Variants in ERICH3 observed in about 807,000 individuals in gnomAD.
The protein encoded by ERICH3 is glutamate-rich protein 3.
In ERICH3, 126 loss-of-function variants were observed where a neutral mutation model predicts 131.1. The observed-to-expected ratio is 0.96, with a 90% CI of 0.83 to 1.11. ERICH3 has a LOEUF of 1.11. ERICH3 is among the 50% of genes most tolerant of loss of function. ERICH3 has a pLI of 0.00. For synonymous variants in ERICH3, 695 were observed against 644.6 expected (o/e 1.08, Z -1.18); for missense variants, 2,050 against 1,810.7 (o/e 1.13, Z -2.40).
In ERICH3 at chr1:74,576,905, C is replaced by CAGG; in HGVS notation, c.2205_2207dup (p.Leu736dup). Reference sequence around the variant, plus strand: ...AGATGGAATACTTACCACCAAGAGCCAGGACATAGGCTAATGGCAATGAAT... The same window carrying CAGG: ...AGATGGAATACTTACCACCAAGAGCCAGGAGGACATAGGCTAATGGCAATGAAT... On this transcript the variant is annotated inframe_insertion, in exon 13 of 15. Coordinates refer to ENST00000326665, the MANE Select transcript of ERICH3 (RefSeq NM_001002912.5). The CAGG allele has an allele frequency of 6.3e-7, 1 of 1,597,740 alleles. No individual in the cohort carries two copies. The highest frequency in any genetic ancestry group is 8.5e-7 in the Non-Finnish European group (1 of 1,173,856).
intron 11 of ERICH3, among the ~76,000 whole-genome samples, chr1:74,596,102 T>C (rs1299898749): frequency 6.6e-6 from 1 of 152,082 alleles, no homozygotes; most frequent in East Asian, 1.9e-4. Context: ...TTAAGTAGAA[T>C]ATTACTGTGA....
At position 74,589,597 on chromosome 1, in the gene ERICH3, G is replaced by A. The variant is rs189774313; in HGVS notation, c.2176+34C>T. The A allele has an allele frequency of 1.4e-4, 216 of 1,588,336 alleles. 1 individual carries two copies. The East Asian group carries it at 4.3e-3, about 32-fold the overall frequency. On this transcript the variant is annotated intron_variant, in intron 12 of 14. Transcript: ENST00000326665. ...ACCAAAATCAGCTTCCATGCATGAG[G>A]ATGATGGCAGCTCAACTCAACGGCC...
chr1:74,614,308 A>T (rs891633605), intron 8 of ERICH3, among the ~76,000 whole-genome samples: 4 of 146,292 alleles, frequency 2.7e-5, no homozygotes, highest in Non-Finnish European at 5.9e-5. Flanking sequence ...TGAGTGAATT[A>T]TTATTTTAAT....
chr1:74,657,872 G>T (rs1646600714), intron 1 of ERICH3, among the ~76,000 whole-genome samples: 1 of 152,116 alleles, frequency 6.6e-6, no homozygotes, highest in South Asian at 2.1e-4. Flanking sequence ...AAAAATTGTA[G>T]CAGCTTGACA....
chr1:74,617,149 A>T (rs998841912), intron 8 of ERICH3, among the ~76,000 whole-genome samples: 6 of 144,272 alleles, frequency 4.2e-5, no homozygotes, highest in Admixed American at 7.1e-5. Context: ...TTGGTAAGTT[A>T]CTAAAAAAAA....
chr1:74,659,241 A>G (rs1646615996), intron 1 of ERICH3, among the ~76,000 whole-genome samples: 1 of 152,154 alleles, frequency 6.6e-6, no homozygotes, highest in African/African-American at 2.4e-5. Context: ...CAGGGATAAG[A>G]GAGTACCATG....
chr1:74,673,486 T>A lies in ERICH3; in HGVS notation c.23+11A>T, dbSNP rs760178821. 3 of 1,612,658 alleles carry A rather than the reference T, an allele frequency of 1.9e-6. No individual in the cohort carries two copies. In the South Asian group the frequency reaches 3.3e-5, roughly 18 times the overall value. On this transcript the variant is annotated intron_variant, in intron 1 of 14. Coordinates refer to ENST00000326665, the MANE Select transcript of ERICH3 (RefSeq NM_001002912.5). ...CTGCCACAGCGTGGAAAAGCTCCAG[T>A]TGTCACTTACCCAGCGGGGTGAGAA...
chr1:74,570,764 T>C (rs530255513), intron 14 of ERICH3, among the ~76,000 whole-genome samples: 2 of 152,308 alleles, frequency 1.3e-5, no homozygotes, highest in East Asian at 3.9e-4. Flanking sequence ...TCTTTACTTC[T>C]GTGGCCTGTC....
intron 3 of ERICH3, among the ~76,000 whole-genome samples, chr1:74,644,273 T>C (rs959933344): frequency 6.6e-6 from 1 of 152,004 alleles, no homozygotes; most frequent in Non-Finnish European, 1.5e-5. Context: ...AACTGTTCAA[T>C]TCACTATCAA....
chr1:74,658,467 A>G (rs1363005797), intron 1 of ERICH3, among the ~76,000 whole-genome samples: 1 of 152,194 alleles, frequency 6.6e-6, no homozygotes, highest in Non-Finnish European at 1.5e-5. Flanking sequence ...CTCTGTAGTA[A>G]GTAGTGCTTC....
intron 10 of ERICH3, among the ~76,000 whole-genome samples, chr1:74,601,746 T>A (rs571495977): frequency 6.6e-6 from 1 of 151,862 alleles, no homozygotes; most frequent in South Asian, 2.1e-4. Flanking sequence ...CCATCCATAG[T>A]GTTACATAGT....
rs1305868030 is a variant in ERICH3, at chr1:74,589,748, T to A, written c.2059A>T (p.Lys687Ter). The change falls in exon 12 of 15, where the codon AAG becomes TAG. Residue 687 changes from lysine to a stop codon, truncating the protein, a stop_gained. Transcript: ENST00000326665. LOFTEE classifies it high-confidence loss of function. ...TCTGCAGAAACATGTTTCCCGGACTTCTCAGATAAACCCTCTGCAATCTCT... is the reference window on the plus strand; with the variant it reads ...TCTGCAGAAACATGTTTCCCGGACTACTCAGATAAACCCTCTGCAATCTCT... ...TQEIAEGLSE[K>*]SGKHVSAEEK... is the part of the protein sequence containing the mutation. The A allele has an allele frequency of 6.2e-7, 1 of 1,614,118 alleles. No homozygotes were observed. The highest frequency in any genetic ancestry group is 1.1e-5 in the South Asian group (1 of 91,088).
At chr1:74,578,314 G>A (rs1647108264) in intron 12 of ERICH3, 8 of 176,110 alleles carry the variant, frequency 4.5e-5, no homozygotes, top group East Asian at 1.7e-4. Flanking sequence ...GATGATGATG[G>A]TGATGGGCAT....
At position 74,572,080 on chromosome 1, in the gene ERICH3, T is replaced by C. The variant is rs1304543531; in HGVS notation, c.3630A>G (p.Gln1210=). 6.2e-7 allele frequency: 1 copy of C among 1,614,122 alleles called. No individual in the cohort carries two copies. Among genetic ancestry groups the C allele is most frequent in the Non-Finnish European group, 8.5e-7 (1 of 1,180,044 alleles). The change falls in exon 14 of 15, where the codon CAA becomes CAG. Residue 1210 remains glutamine, a synonymous_variant. Coordinates refer to ENST00000326665, the MANE Select transcript of ERICH3 (RefSeq NM_001002912.5). ...GAGCTGCTAAGGCCCCCTCTCCATC[T>C]TGGCGGTGCCCTTCCTTCAGGGCCC... ...ENRALKEGHR[Q]DGEGALAAPE...
chr1:74,599,225 G>A (rs768429917), intron 11 of ERICH3, among the ~76,000 whole-genome samples: 11 of 151,840 alleles, frequency 7.2e-5, no homozygotes, highest in East Asian at 1.9e-4. Context: ...GGCTATAGTC[G>A]TAAATGTCCT....
intron 10 of ERICH3, among the ~76,000 whole-genome samples, chr1:74,605,028 C>A (rs1648318782): frequency 6.6e-6 from 1 of 151,944 alleles, no homozygotes; most frequent in African/African-American, 2.4e-5. Context: ...TGAAGACCTG[C>A]TGTTTAATGT....
rs751951306 is a variant in ERICH3, at chr1:74,571,090, T to G, written c.*18+9A>C. 2 of 1,598,688 alleles carry G rather than the reference T, an allele frequency of 1.3e-6. No individual in the cohort carries two copies. The highest frequency in any genetic ancestry group is 1.7e-6 in the Non-Finnish European group (2 of 1,173,090). Reference sequence around the variant, plus strand: ...TTTAGTCCTACAAAGACATTACGCTTAAACTCACTGTCTGCCAGCAAGTCT... The same window carrying G: ...TTTAGTCCTACAAAGACATTACGCTGAAACTCACTGTCTGCCAGCAAGTCT... On this transcript the variant is annotated intron_variant, in intron 14 of 14. Transcript: ENST00000326665.
chr1:74,662,068 T>C (rs1373829997), intron 1 of ERICH3, among the ~76,000 whole-genome samples: 1 of 152,184 alleles, frequency 6.6e-6, no homozygotes, highest in Non-Finnish European at 1.5e-5. Context: ...AGTTTCTGAA[T>C]ATCTCTGTCT....
intron 10 of ERICH3, among the ~76,000 whole-genome samples, chr1:74,605,381 C>T (rs559937183): frequency 6.6e-6 from 1 of 151,996 alleles, no homozygotes; most frequent in South Asian, 2.1e-4. Flanking sequence ...TGAAGTAGCA[C>T]TCTTAACTTC....
Sources: allele counts gnomAD v4.1 joint callset (sites outside exome capture counted in the v4.1 genomes callset), GRCh38; gene constraint gnomAD v4.1.1; transcripts MANE v1.5; gene names NCBI Gene and HGNC (gene_info 2026-07-23, HGNC 2026-07-21).